CXADR: variants seen among roughly 807,000 people sequenced by gnomAD.
The protein encoded by CXADR is CXADR cell adhesion molecule.
A neutral mutation model predicts 40.3 loss-of-function variants in CXADR; 20 were observed. That is an observed-to-expected ratio of 0.50 (90% CI 0.35 to 0.72). CXADR has a LOEUF of 0.72. Ranked by LOEUF, CXADR falls within the 30% of genes least tolerant of loss-of-function variation. The probability of loss-of-function intolerance (pLI) is 0.01; values close to 1 mark genes in which losing one functional copy is unlikely to be tolerated. For missense variants in CXADR, 332 were observed against 449.1 expected (o/e 0.74, Z 2.36); for synonymous variants, 150 against 161.3 (o/e 0.93, Z 0.53).
intron 1 of CXADR, among the ~76,000 whole-genome samples, chr21:17,541,468 G>A (rs568969243): frequency 7.2e-5 from 11 of 152,192 alleles, no homozygotes; most frequent in African/African-American, 2.6e-4. Flanking sequence ...TGAGGCAGGA[G>A]AATGGCGTGA....
At chr21:17,521,739 G>C (rs1244600209) in intron 1 of CXADR, among the ~76,000 whole-genome samples, 3 of 152,182 alleles carry the variant, frequency 2.0e-5, no homozygotes, top group Non-Finnish European at 4.4e-5. Flanking sequence ...AATTCCAGAG[G>C]ACAGTAGCAT....
the CXADR span, among the ~76,000 whole-genome samples, chr21:17,626,424 C>T: frequency 6.6e-6 from 1 of 152,060 alleles, no homozygotes; most frequent in Non-Finnish European, 1.5e-5. Context: ...ACCAATTACT[C>T]AATCAGAATT....
chr21:17,571,644 A>G (rs116319478), downstream of CXADR, among the ~76,000 whole-genome samples: 45 of 152,334 alleles, frequency 3.0e-4, no homozygotes, highest in African/African-American at 1.0e-3. Context: ...CCAAGAAACT[A>G]AGCTCAGTTT....
chr21:17,551,437 C>G (rs544224870), intron 2 of CXADR, among the ~76,000 whole-genome samples: 28 of 152,152 alleles, frequency 1.8e-4, no homozygotes, highest in Non-Finnish European at 3.2e-4. Flanking sequence ...ACAAGCAAAT[C>G]TGTGTTCTTG....
At chr21:17,594,066 A>T (rs773328592), downstream of CXADR, 1 of 1,605,114 alleles carries the variant, frequency 6.2e-7, no homozygotes, top group Non-Finnish European at 8.5e-7. Flanking sequence ...TTTTCTCAAC[A>T]TGACACCAAC....
intron 3 of CXADR, 32 bp downstream of exon 3, chr21:17,551,985 CTGAG>C: frequency 6.6e-7 from 1 of 1,519,386 alleles, no homozygotes. Context: ...TAACGGGTTA[CTGAG>C]TAAGAGAATG....
chr21:17,516,724 A>G (rs73894830), intron 1 of CXADR, among the ~76,000 whole-genome samples: 10 of 152,330 alleles, frequency 6.6e-5, no homozygotes, highest in African/African-American at 2.4e-4. Context: ...ATGTTGGTCA[A>G]GGGATACAAA....
the CXADR span, among the ~76,000 whole-genome samples, chr21:17,600,370 A>T: frequency 3.9e-5 from 6 of 152,228 alleles, no homozygotes; most frequent in African/African-American, 1.4e-4. Context: ...GAAAAAAGAT[A>T]AAAATAAGTA....
intron 1 of CXADR, among the ~76,000 whole-genome samples, chr21:17,540,943 CTT>C (rs1420705219): frequency 1.3e-5 from 2 of 152,024 alleles, no homozygotes; most frequent in African/African-American, 2.4e-5. Context: ...TGTGTGCTCT[CTT>C]GTTAATCTTT....
At chr21:17,602,697 G>C in the CXADR span, among the ~76,000 whole-genome samples, 3 of 152,020 alleles carry the variant, frequency 2.0e-5, no homozygotes, top group Non-Finnish European at 4.4e-5. Context: ...TGAATGAAAA[G>C]GTTTTCTAAG....
intron 1 of CXADR, among the ~76,000 whole-genome samples, chr21:17,534,007 AATATATATATATATATATATAGCTAT>A (rs1211660988): frequency 1.1e-5 from 1 of 87,914 alleles, no homozygotes; most frequent in African/African-American, 3.5e-5. Context: ...CTTTCTCAGC[AATATATATATATATATATATAGCTAT>A]ATATATATAT....
intron 1 of CXADR, among the ~76,000 whole-genome samples, chr21:17,516,914 T>A (rs986812231): frequency 6.6e-6 from 1 of 152,130 alleles, no homozygotes; most frequent in Non-Finnish European, 1.5e-5. Flanking sequence ...ATGTGTTATA[T>A]GTAGATAAAC....
At chr21:17,612,835 T>C in the CXADR span, 1 of 152,018 alleles carries the variant, frequency 6.6e-6, no homozygotes, top group Non-Finnish European at 1.5e-5. Flanking sequence ...CGCGTGCGGC[T>C]CCCGCGTCGT....
chr21:17,580,839 C>T (rs993571862), intron 7 of CXADR, among the ~76,000 whole-genome samples: 1 of 152,140 alleles, frequency 6.6e-6, no homozygotes, highest in Non-Finnish European at 1.5e-5. Context: ...CAGCCTCAAC[C>T]TCCAGGGCTC....
chr21:17,518,264 AC>A (rs112636064), intron 1 of CXADR, among the ~76,000 whole-genome samples: 1,801 of 152,198 alleles, frequency 0.012, 12 homozygotes, highest in Non-Finnish European at 0.016. Flanking sequence ...AATACCCCAA[AC>A]CAAAAACAAA....
chr21:17,593,266 G>C, exon 8 of CXADR: 1 of 1,274,068 alleles, frequency 7.8e-7, no homozygotes, highest in Non-Finnish European at 1.0e-6. Context: ...AGACTTAAAT[G>C]TTTTTTAAAA....
chr21:17,629,777 G>A, the CXADR span, among the ~76,000 whole-genome samples: 838 of 152,204 alleles, frequency 5.5e-3, 8 homozygotes, highest in African/African-American at 0.019. Flanking sequence ...TTTGAGACCA[G>A]TTTGGGCAAC....
At chr21:17,632,134 A>G in the CXADR span, among the ~76,000 whole-genome samples, 1 of 152,196 alleles carries the variant, frequency 6.6e-6, no homozygotes, top group African/African-American at 2.4e-5. Context: ...TTTCAACAGA[A>G]AGCAGCAAAC....
chr21:17,627,359 A>G, the CXADR span, among the ~76,000 whole-genome samples: 3 of 152,180 alleles, frequency 2.0e-5, no homozygotes, highest in African/African-American at 7.2e-5. Context: ...TTCACCTCGA[A>G]AAAAAAGAGA....
Sources: gnomAD v4.1 joint callset for allele counts (sites outside exome capture counted in the v4.1 genomes callset) on GRCh38, gnomAD v4.1.1 for gene constraint, MANE v1.5 for transcripts, NCBI Gene and HGNC (gene_info 2026-07-23, HGNC 2026-07-21) for gene names.